ABLIM2: variants seen among roughly 807,000 people sequenced by gnomAD.
ABLIM2 encodes actin-binding LIM protein 2.
In ABLIM2, 53 loss-of-function variants were observed where a neutral mutation model predicts 97.7. That is an observed-to-expected ratio of 0.54 (90% confidence interval 0.44 to 0.68). ABLIM2 has a LOEUF of 0.68. Ranked by LOEUF, ABLIM2 falls within the 30% of genes least tolerant of loss-of-function variation. The pLI is 0.00. For synonymous variants in ABLIM2, 361 were observed against 345.8 expected, an observed-to-expected ratio of 1.04 and a Z score of -0.49; for missense variants, 835 against 867.2, an observed-to-expected ratio of 0.96 and a Z score of 0.47.
At chr4:7,977,986 T>C (rs1388034862) in intron 20 of ABLIM2, among the ~76,000 whole-genome samples, 2 of 152,174 alleles carry the variant, frequency 1.3e-5, no homozygotes, top group African/African-American at 4.8e-5. Flanking sequence ...TCCAGAAGCA[T>C]ATCTCCCACT....
intron 1 of ABLIM2, among the ~76,000 whole-genome samples, chr4:8,136,558 G>A (rs1278977328): frequency 3.9e-5 from 6 of 152,196 alleles, no homozygotes; most frequent in East Asian, 3.9e-4. Context: ...TGGGGGCCTC[G>A]CCTTCTGCAC....
chr4:8,115,110 C>T (rs567334985), intron 1 of ABLIM2, among the ~76,000 whole-genome samples: 5 of 152,170 alleles, frequency 3.3e-5, no homozygotes, highest in African/African-American at 9.7e-5. Flanking sequence ...TGAGGATGGA[C>T]GCAGGGCTTG....
rs561916900 is a variant in ABLIM2 at position 8,140,446 on chromosome 4, G to T, written c.10+18234C>A. ...CGTGAAACAGTGCCAGAGGAGGACC[G>T]CATCGTGCACCACCTGGAGGCTTGG... On this transcript the variant is annotated intron_variant, in intron 1 of 20. Coordinates refer to ENST00000447017, the MANE Select transcript of ABLIM2 (RefSeq NM_001130083.2). The surrounding 1 kb of genome is among the most constrained non-coding windows in gnomAD (Gnocchi z 5.9). 1.3e-5 allele frequency among the ~76,000 whole-genome samples: 2 copies of T among 152,096 alleles called. No individual in the cohort carries two copies. Among genetic ancestry groups the T allele is most frequent in the East Asian group, 3.9e-4 (2 of 5,158 alleles).
In ABLIM2 at chr4:8,087,091, G is replaced by C. The variant is rs1824175288; in HGVS notation, c.454+1078C>G. ...GCAGACAAGGTGGGGGAGAAAGGAG[G>C]CATTTGACACAGGAGAGGAAATTAA... On this transcript the variant is annotated intron_variant, in intron 4 of 20. Transcript: ENST00000447017. This position sits in a 1 kb window ranked among gnomAD's most constrained non-coding sequence, Gnocchi z 4.6. Among the ~76,000 whole-genome samples the C allele has an allele frequency of 6.6e-6, 1 of 152,188 alleles. No homozygotes were observed. The highest frequency in any genetic ancestry group is 1.5e-5 in the Non-Finnish European group (1 of 68,036).
At chr4:8,031,007 C>T (rs1030555621) in intron 10 of ABLIM2, among the ~76,000 whole-genome samples, 3 of 152,196 alleles carry the variant, frequency 2.0e-5, no homozygotes, top group South Asian at 2.1e-4. Context: ...AGGAGCCAAG[C>T]GGAGAAGCCA....
chr4:8,033,540 C>T lies in ABLIM2; in HGVS notation c.1047+2609G>A, dbSNP rs1324227923. Among the ~76,000 whole-genome samples the T allele has an allele frequency of 6.6e-6, 1 of 152,200 alleles. No individual in the cohort carries two copies. The highest frequency in any genetic ancestry group is 1.9e-4 in the East Asian group (1 of 5,192). Reference sequence around the variant, plus strand: ...CCAGGAGCCCAGCCCTGTCCACCTGCCGAGGCAGGCCCCATGGGGTCGCAC... The same window carrying T: ...CCAGGAGCCCAGCCCTGTCCACCTGTCGAGGCAGGCCCCATGGGGTCGCAC... On this transcript the variant is annotated intron_variant, in intron 10 of 20. Coordinates refer to ENST00000447017, the MANE Select transcript of ABLIM2 (RefSeq NM_001130083.2). The surrounding 1 kb of genome is among the most constrained non-coding windows in gnomAD (Gnocchi z 4.5).
intron 14 of ABLIM2, among the ~76,000 whole-genome samples, chr4:8,014,701 T>C (rs1413908133): frequency 1.3e-5 from 2 of 152,198 alleles, no homozygotes; most frequent in Admixed American, 6.5e-5. Context: ...AAACATCCCT[T>C]GGACAAATTA....
chr4:8,084,622 C>A (rs1190706104), intron 4 of ABLIM2, among the ~76,000 whole-genome samples: 1 of 152,182 alleles, frequency 6.6e-6, no homozygotes, highest in Non-Finnish European at 1.5e-5. Flanking sequence ...ATCCCTCACT[C>A]TGGTGGGGCC....
intron 1 of ABLIM2, among the ~76,000 whole-genome samples, chr4:8,126,754 T>G (rs1848151034): frequency 1.3e-5 from 2 of 152,028 alleles, no homozygotes; most frequent in South Asian, 4.1e-4. Flanking sequence ...CACACCCTCC[T>G]GAGCTGTGAC....
chr4:8,002,536 C>A lies in ABLIM2; in HGVS notation c.1618+5523G>T, dbSNP rs539025582. Among the ~76,000 whole-genome samples the A allele has an allele frequency of 1.3e-4, 20 of 152,336 alleles. No individual in the cohort carries two copies. The highest frequency in any genetic ancestry group is 4.3e-4 in the African/African-American group (18 of 41,582). ...GCAACATCTCCTGTCACGCTCGTGT[C>A]GTGCTGACGTTCCCCTCCCTGGCAC... On this transcript the variant is annotated intron_variant, in intron 16 of 20. Coordinates refer to ENST00000447017, the MANE Select transcript of ABLIM2 (RefSeq NM_001130083.2). This position sits in a 1 kb window ranked among gnomAD's most constrained non-coding sequence, Gnocchi z 6.1.
At chr4:8,070,071 CTG>C (rs1361976012) in intron 6 of ABLIM2, among the ~76,000 whole-genome samples, 4 of 151,496 alleles carry the variant, frequency 2.6e-5, no homozygotes, top group East Asian at 3.9e-4. Context: ...CTGAGTGTGT[CTG>C]TGTCATCTGT....
chr4:8,131,842 T>TC (rs1444295711), intron 1 of ABLIM2, among the ~76,000 whole-genome samples: 2 of 119,864 alleles, frequency 1.7e-5, no homozygotes, highest in South Asian at 2.7e-4. Context: ...GCAGCCCGCA[T>TC]CCCTGAGCAC....
At chr4:7,993,134 A>G (rs537474866) in intron 16 of ABLIM2, among the ~76,000 whole-genome samples, 1 of 152,294 alleles carries the variant, frequency 6.6e-6, no homozygotes, top group East Asian at 1.9e-4. Context: ...TAATGTCCTG[A>G]GCCTGCCCGT....
chr4:8,021,565 T>C lies in ABLIM2; in HGVS notation c.1268-1262A>G, dbSNP rs1560684156. Among the ~76,000 whole-genome samples the C allele has an allele frequency of 1.3e-5, 2 of 152,124 alleles. No individual in the cohort carries two copies. Among genetic ancestry groups the C allele is most frequent in the African/African-American group, 2.4e-5 (1 of 41,422 alleles). ...GCAGGACCCTGCGGTGACATCGAAA[T>C]GAAACAGAAATAGAACTTCTGCGGT... On this transcript the variant is annotated intron_variant, in intron 12 of 20. Coordinates refer to ENST00000447017, the MANE Select transcript of ABLIM2 (RefSeq NM_001130083.2). The surrounding 1 kb of genome is among the most constrained non-coding windows in gnomAD (Gnocchi z 5.5).
intron 1 of ABLIM2, among the ~76,000 whole-genome samples, chr4:8,151,654 A>C (rs1712826087): frequency 6.6e-6 from 1 of 152,124 alleles, no homozygotes; most frequent in Admixed American, 6.5e-5. Context: ...TGTCAGAAGA[A>C]AGCAGGGTTG....
chr4:8,116,694 A>C (rs988159443), intron 1 of ABLIM2, among the ~76,000 whole-genome samples: 14 of 152,234 alleles, frequency 9.2e-5, no homozygotes, highest in Non-Finnish European at 1.9e-4. Flanking sequence ...GTTCTTAAGC[A>C]AAATAAGGAT....
intron 8 of ABLIM2, among the ~76,000 whole-genome samples, chr4:8,049,045 C>T (rs1794346211): frequency 1.3e-5 from 2 of 152,228 alleles, no homozygotes. Context: ...AGCCGCAGCT[C>T]CAGGAAGCCG....
intron 9 of ABLIM2, among the ~76,000 whole-genome samples, chr4:8,039,665 AAC>A (rs943540621): frequency 2.6e-5 from 4 of 152,240 alleles, no homozygotes; most frequent in Admixed American, 6.5e-5. Flanking sequence ...AGTCAATGAT[AAC>A]ACAGAATGGA....
At chr4:8,089,671 T>C (rs1183857930) in intron 3 of ABLIM2, among the ~76,000 whole-genome samples, 2 of 141,936 alleles carry the variant, frequency 1.4e-5, no homozygotes, top group Non-Finnish European at 3.0e-5. Flanking sequence ...GAGGTGGAGG[T>C]TGCAGTGAGC....
Sources: allele counts gnomAD v4.1 joint callset (sites outside exome capture counted in the v4.1 genomes callset), GRCh38; gene constraint gnomAD v4.1.1; non-coding constraint Gnocchi (gnomAD v3.1); transcripts MANE v1.5; gene names NCBI Gene and HGNC (gene_info 2026-07-23, HGNC 2026-07-21).